Variants in MROH2A observed in about 807,000 individuals in gnomAD.
MROH2A encodes the protein maestro heat-like repeat-containing protein family member 2A.
A neutral mutation model predicts 200.4 loss-of-function variants in MROH2A; 174 were observed. The observed-to-expected ratio is 0.87, with a 90% CI of 0.77 to 0.98. The LOEUF is 0.98. MROH2A is among the 50% of genes least tolerant of loss of function. MROH2A has a pLI of 0.00. For missense variants in MROH2A, 2,045 were observed against 2,139.6 expected, an observed-to-expected ratio of 0.96 and a Z score of 0.87; for synonymous variants, 829 against 840.4, an observed-to-expected ratio of 0.99 and a Z score of 0.23.
chr2:233,830,995 C>T (rs1481847950), intron 38 of MROH2A, among the ~76,000 whole-genome samples: 1 of 152,154 alleles, frequency 6.6e-6, no homozygotes, highest in Non-Finnish European at 1.5e-5. Context: ...TGTCTTCCTG[C>T]CCTGCCGTCT....
chr2:233,829,541 G>A lies in MROH2A; in HGVS notation c.4447-79G>A. The A allele has an allele frequency of 2.3e-6, 3 of 1,278,228 alleles. 1 individual carries two copies. The Admixed American group carries it at 1.1e-4, about 47-fold the overall frequency. The allele number at this position is 1,278,228 out of a possible 1,614,324, so 79.2% of individuals were successfully genotyped here. ...AGGCTCTGCAGGGACCAAGGCATTG[G>A]GTATTCCTTGGAGAATGGCTGGGGT... is the stretch of plus-strand genomic sequence containing the variant. On this transcript the variant is annotated intron_variant, in intron 37 of 41. Transcript: ENST00000389758.
At chr2:233,775,966 G>A (rs1325479046), upstream of MROH2A, among the ~76,000 whole-genome samples, 1 of 152,082 alleles carries the variant, frequency 6.6e-6, no homozygotes, top group African/African-American at 2.4e-5. Context: ...ACTTCCTCTT[G>A]CCTGCCACCA....
At chr2:233,824,371 A>T (rs1704163179) in intron 35 of MROH2A, among the ~76,000 whole-genome samples, 1 of 152,254 alleles carries the variant, frequency 6.6e-6, no homozygotes, top group African/African-American at 2.4e-5. Flanking sequence ...AAGCTCCTGG[A>T]AGTACAAGAC....
intron 14 of MROH2A, among the ~76,000 whole-genome samples, chr2:233,801,855 G>A (rs758698829): frequency 2.6e-5 from 4 of 152,196 alleles, no homozygotes; most frequent in Non-Finnish European, 4.4e-5. Context: ...TGGGATCAGA[G>A]GGAGGGCCCT....
In MROH2A at chr2:233,816,781, C is replaced by T. The variant is rs115274498; in HGVS notation, c.2857C>T (p.Leu953Phe). 5.9e-3 allele frequency: 9,190 copies of T among 1,549,136 alleles called. 50 individuals are homozygous for T. Among genetic ancestry groups the T allele is most frequent in the Non-Finnish European group, 7.1e-3 (8,153 of 1,145,804 alleles). Reference sequence around the variant, plus strand: ...TTGGTGTTCTGGGCTCTACCCATAGCTCCTGGAAAAGTGGATCTTGTCGGA... The same window carrying T: ...TTGGTGTTCTGGGCTCTACCCATAGTTCCTGGAAAAGTGGATCTTGTCGGA... Reference protein sequence around the residue: ...DPKGLQEMVQLLEKWILSEKE... With the variant: ...DPKGLQEMVQFLEKWILSEKE... The change falls in exon 27 of 42, where the codon CTC (leucine) becomes TTC (phenylalanine). Residue 953 changes from leucine to phenylalanine, a missense_variant and splice_region_variant. By Grantham distance (22) the Leu-to-Phe change is conservative (BLOSUM62 0). Around this residue, in one of 3 missense-constraint regions of MROH2A, gnomAD observed 1,201 missense variants for 1,311.3 expected, o/e 0.92. Coordinates refer to ENST00000389758, the MANE Select transcript of MROH2A (RefSeq NM_001394639.1).
In MROH2A at chr2:233,820,145, C is replaced by A; in HGVS notation, c.3512+89C>A. On this transcript the variant is annotated intron_variant, in intron 31 of 41. Coordinates refer to ENST00000389758, the MANE Select transcript of MROH2A (RefSeq NM_001394639.1). The surrounding 1 kb of genome is among the most constrained non-coding windows in gnomAD (Gnocchi z 4.1). ...CCCGATGTGTCCCAGAAGCCTGGAGCCTTGGGCAGTACCCTGCCCCACCCT... is the reference window on the plus strand; with the variant it reads ...CCCGATGTGTCCCAGAAGCCTGGAGACTTGGGCAGTACCCTGCCCCACCCT... The A allele has an allele frequency of 8.0e-7, 1 of 1,252,022 alleles. No homozygotes were observed. Among genetic ancestry groups the A allele is most frequent in the Non-Finnish European group, 1.1e-6 (1 of 939,508 alleles). The allele number at this position is 1,252,022 out of a possible 1,614,324, so 77.6% of individuals were successfully genotyped here. A position where few individuals can be genotyped will look rare whatever the true frequency, so the allele number is the denominator to read the frequency against.
chr2:233,790,089 T>G, intron 5 of MROH2A, 75 bp downstream of exon 5: 1 of 1,332,348 alleles, frequency 7.5e-7, no homozygotes, highest in Non-Finnish European at 1.0e-6. Flanking sequence ...CTCCCATCTA[T>G]CCCTATGTTC....
intron 11 of MROH2A, among the ~76,000 whole-genome samples, chr2:233,796,900 G>C (rs561601022): frequency 1.2e-4 from 18 of 152,328 alleles, no homozygotes; most frequent in African/African-American, 4.1e-4. Context: ...AAAGGGCCTT[G>C]TGCTGCCATT....
At chr2:233,797,498 G>GA (rs980217560) in intron 11 of MROH2A, among the ~76,000 whole-genome samples, 2 of 152,280 alleles carry the variant, frequency 1.3e-5, no homozygotes, top group Admixed American at 1.3e-4. Context: ...ACTTTTTGTG[G>GA]AAAAGCTGCC....
Position 233,833,271 on chromosome 2 carries a change from A to C in MROH2A, c.*12A>C. The C allele has an allele frequency of 6.6e-7, 1 of 1,525,068 alleles. No homozygotes were observed. The highest frequency in any genetic ancestry group is 8.8e-7 in the Non-Finnish European group (1 of 1,138,964). 94.5% of individuals were successfully genotyped at this position (1,525,068 alleles called of 1,614,324 possible). On this transcript the variant is annotated 3_prime_UTR_variant, in exon 42 of 42. Coordinates refer to ENST00000389758, the MANE Select transcript of MROH2A (RefSeq NM_001394639.1). ...AAGGAATGTCCTAGGTGGTCCAAAC[A>C]TAAGACGTAAACTGTCTTCTTAGTG...
At chr2:233,803,916 A>G in intron 16 of MROH2A, 135 bp from the exon 17 acceptor site, 1 of 1,169,420 alleles carries the variant, frequency 8.6e-7, no homozygotes, top group South Asian at 1.5e-5. Flanking sequence ...CTGCAGGTGC[A>G]CTCTCTATTT....
chr2:233,789,843 C>G lies in MROH2A; in HGVS notation c.409-9C>G. 6.5e-7 allele frequency: 1 copy of G among 1,547,206 alleles called. No individual in the cohort carries two copies. Among genetic ancestry groups the G allele is most frequent in the Non-Finnish European group, 8.7e-7 (1 of 1,145,132 alleles). ...GTGGTGCCATATGTCCCTCTTCTGT[C>G]TCCTGCAGATGGAGGGCTATATGAA... is the stretch of plus-strand genomic sequence containing the variant. On this transcript the variant is annotated splice_polypyrimidine_tract_variant and intron_variant, in intron 4 of 41. Coordinates refer to ENST00000389758, the MANE Select transcript of MROH2A (RefSeq NM_001394639.1).
At chr2:233,823,494 T>C in intron 34 of MROH2A, 62 bp from the exon 35 acceptor site, 4 of 1,520,898 alleles carry the variant, frequency 2.6e-6, no homozygotes, top group Non-Finnish European at 3.5e-6. Context: ...TGCCCAGCTC[T>C]TGGCAAACGT....
intron 14 of MROH2A, among the ~76,000 whole-genome samples, chr2:233,801,681 A>T (rs1702481321): frequency 6.6e-6 from 1 of 152,284 alleles, no homozygotes; most frequent in South Asian, 2.1e-4. Context: ...TTTATGGATT[A>T]TGCACTTTCG....
chr2:233,802,767 A>G (rs1246413965), intron 15 of MROH2A, among the ~76,000 whole-genome samples: 1 of 152,128 alleles, frequency 6.6e-6, no homozygotes, highest in African/African-American at 2.4e-5. Flanking sequence ...CCCACCTACC[A>G]TGCTTGCTCC....
At position 233,800,324 on chromosome 2, in the gene MROH2A, GC is replaced by G; in HGVS notation, c.1560+12del. On this transcript the variant is annotated intron_variant, in intron 14 of 41. Transcript: ENST00000389758. ...TCAGTGGGATGACCACCGTGAGTGG[GC>G]CCTGCCCCACCCGCACAGTGGGTCA... 6.6e-7 allele frequency: 1 copy of G among 1,516,740 alleles called. No individual in the cohort carries two copies. The highest frequency in any genetic ancestry group is 8.9e-7 in the Non-Finnish European group (1 of 1,121,010). 94.0% of individuals were successfully genotyped at this position (1,516,740 alleles called of 1,614,324 possible).
In MROH2A at chr2:233,805,036, G is replaced by A; in HGVS notation, c.1977G>A (p.Gly659=). 1.3e-6 allele frequency: 2 copies of A among 1,550,294 alleles called. No homozygotes were observed. The highest frequency in any genetic ancestry group is 1.2e-5 in the South Asian group (1 of 84,054). The change falls in exon 19 of 42, where the codon GGG becomes GGA. Residue 659 remains glycine, a synonymous_variant. Coordinates refer to ENST00000389758, the MANE Select transcript of MROH2A (RefSeq NM_001394639.1). ...FLRNSLKKTR[G]SSWSLRLSKE... ...GAAACTCCCTCAAGAAGACCCGGGG[G>A]TCTAGCTGGAGCCTGCGCTTGAGTA...
chr2:233,807,600 T>C lies in MROH2A; in HGVS notation c.2172+58T>C, dbSNP rs767540044. On this transcript the variant is annotated intron_variant, in intron 20 of 41. Coordinates refer to ENST00000389758, the MANE Select transcript of MROH2A (RefSeq NM_001394639.1). This position sits in a 1 kb window ranked among gnomAD's most constrained non-coding sequence, Gnocchi z 4.3. ...AGATGCCTCTGGACCCTCGGGGACA[T>C]GTGTGTTCATGTGGCTGCATGCGTT... 5.2e-6 allele frequency: 8 copies of C among 1,544,852 alleles called. No individual in the cohort carries two copies. The highest frequency in any genetic ancestry group is 7.0e-6 in the Non-Finnish European group (8 of 1,143,394).
At chr2:233,815,920 A>G (rs1224557299) in intron 26 of MROH2A, among the ~76,000 whole-genome samples, 1 of 147,542 alleles carries the variant, frequency 6.8e-6, no homozygotes, top group Middle Eastern at 3.3e-3. Context: ...GGTTCGAAAC[A>G]TTTTAAATTT....
Sources: gnomAD v4.1 joint callset for allele counts (sites outside exome capture counted in the v4.1 genomes callset) on GRCh38, gnomAD v4.1.1 for gene constraint, gnomAD v4.1.1 regional missense constraint, Gnocchi (gnomAD v3.1) non-coding constraint, MANE v1.5 for transcripts, NCBI Gene and HGNC (gene_info 2026-07-23, HGNC 2026-07-21) for gene names.